Variants in CAMTA1 observed in about 807,000 individuals in gnomAD.
The protein encoded by CAMTA1 is calmodulin binding transcription activator 1.
Under a neutral mutation model 170.9 loss-of-function variants are expected in CAMTA1, and 27 were observed. The observed-to-expected ratio is 0.16, with a 90% CI of 0.12 to 0.22. CAMTA1 has a LOEUF of 0.22. CAMTA1 is among the 10% of genes least tolerant of loss of function. CAMTA1 has a pLI of 1.00. For missense variants in CAMTA1, 1,619 were observed against 2,217.2 expected (o/e 0.73, Z 5.42); for synonymous variants, 833 against 891.5 (o/e 0.93, Z 1.17).
In CAMTA1 at chr1:7,020,454, G is replaced by GTA. The variant is rs572814104; in HGVS notation, c.235-70848_235-70847dup. ...GGCTATCCCCTCTAGGTTTGTGTAA[G>GTA]TATGCACTTTGTGTAAGTACACTAT... On this transcript the variant is annotated intron_variant, in intron 3 of 22. Transcript: ENST00000303635. Among the ~76,000 whole-genome samples, 6 of 152,318 alleles carry GTA rather than the reference G, an allele frequency of 3.9e-5. No individual in the cohort carries two copies. In the East Asian group the frequency reaches 1.2e-3, roughly 29 times the overall value.
intron 3 of CAMTA1, among the ~76,000 whole-genome samples, chr1:6,852,522 A>C (rs1193588286): frequency 1.3e-5 from 2 of 152,208 alleles, no homozygotes; most frequent in Admixed American, 6.5e-5. Context: ...CCCCCTCCTC[A>C]GATTCAGTGA....
In CAMTA1 at chr1:7,257,076, C is replaced by CGGGG. The variant is rs146110106; in HGVS notation, c.438+7452_438+7455dup. Among the ~76,000 whole-genome samples, 1,095 of 134,048 alleles carry CGGGG rather than the reference C, an allele frequency of 8.2e-3. 17 individuals carry two copies. Among genetic ancestry groups the CGGGG allele is most frequent in the Non-Finnish European group, 0.012 (755 of 60,464 alleles). 87.9% of individuals were successfully genotyped at this position (134,048 alleles called of 152,430 possible). A position where few individuals can be genotyped will look rare whatever the true frequency, so the allele number is the denominator to read the frequency against. ...CCCACTTCCACATACCATCGCATGG[C>CGGGG]GGGGGCGGGGGTTGGTTTTCATCAT... On this transcript the variant is annotated intron_variant, in intron 5 of 22. Transcript: ENST00000303635.
At chr1:6,797,188 G>C (rs1382090837) in intron 1 of CAMTA1, among the ~76,000 whole-genome samples, 2 of 151,924 alleles carry the variant, frequency 1.3e-5, no homozygotes, top group Non-Finnish European at 2.9e-5. Context: ...TCCTGCCTCA[G>C]TCCCCCAAGT....
chr1:7,686,662 C>T (rs923276776), intron 11 of CAMTA1, among the ~76,000 whole-genome samples: 3 of 152,066 alleles, frequency 2.0e-5, no homozygotes, highest in Non-Finnish European at 2.9e-5. Context: ...GCAAGAACAC[C>T]GCAGCTGCCA....
At chr1:7,237,741 A>G (rs367918694) in intron 4 of CAMTA1, among the ~76,000 whole-genome samples, 42 of 152,316 alleles carry the variant, frequency 2.8e-4, no homozygotes, top group African/African-American at 9.6e-4. Context: ...GTGAGCTGCA[A>G]GTGTTTGGAG....
At chr1:7,557,035 C>T (rs1010058019) in intron 6 of CAMTA1, among the ~76,000 whole-genome samples, 7 of 152,090 alleles carry the variant, frequency 4.6e-5, no homozygotes, top group African/African-American at 9.7e-5. Context: ...CAGCCAGGCG[C>T]GGTGGCTCAC....
At chr1:7,086,135 G>T (rs985986939) in intron 3 of CAMTA1, among the ~76,000 whole-genome samples, 1 of 152,068 alleles carries the variant, frequency 6.6e-6, no homozygotes, top group Non-Finnish European at 1.5e-5. Context: ...CTACTTGAAC[G>T]TCCAAAGGAC....
At chr1:7,052,572 CCCT>C (rs1441691983) in intron 3 of CAMTA1, among the ~76,000 whole-genome samples, 1 of 152,152 alleles carries the variant, frequency 6.6e-6, no homozygotes, top group Non-Finnish European at 1.5e-5. Context: ...TTCCACAGGT[CCCT>C]CCTCGCCCAC....
In CAMTA1 at chr1:7,146,256, G is replaced by A. The variant is rs561322810; in HGVS notation, c.302+54885G>A. On this transcript the variant is annotated intron_variant, in intron 4 of 22. Transcript: ENST00000303635. This position sits in a 1 kb window ranked among gnomAD's most constrained non-coding sequence, Gnocchi z 4.3. ...CAGGAGCTTGGCAGCCCCTGAACCC[G>A]GTGCCTGCTCATGAGCCAGTCTCCC... 2.9e-4 allele frequency among the ~76,000 whole-genome samples: 44 copies of A among 152,172 alleles called. No homozygotes were observed. The highest frequency in any genetic ancestry group is 1.2e-3 in the South Asian group (6 of 4,818).
intron 5 of CAMTA1, among the ~76,000 whole-genome samples, chr1:7,357,123 G>A (rs538360185): frequency 1.2e-4 from 19 of 152,304 alleles, no homozygotes; most frequent in South Asian, 4.1e-4. Flanking sequence ...TGGATTTCTC[G>A]GCTCAGGGAA....
chr1:7,320,550 T>C (rs1467758624), intron 5 of CAMTA1, among the ~76,000 whole-genome samples: 1 of 152,060 alleles, frequency 6.6e-6, no homozygotes, highest in Non-Finnish European at 1.5e-5. Context: ...AGGGTCTACG[T>C]TGGTGAATTA....
intron 6 of CAMTA1, among the ~76,000 whole-genome samples, chr1:7,512,937 A>G (rs1480002658): frequency 6.6e-6 from 1 of 152,154 alleles, no homozygotes. Flanking sequence ...GGCAGAAGAA[A>G]AGGTACTAGA....
At chr1:7,394,012 G>T (rs1472879445) in intron 5 of CAMTA1, among the ~76,000 whole-genome samples, 2 of 152,134 alleles carry the variant, frequency 1.3e-5, no homozygotes, top group Admixed American at 6.5e-5. Context: ...CATCCATGTT[G>T]CTACAAATGG....
chr1:7,111,884 C>G (rs528356996), intron 4 of CAMTA1, among the ~76,000 whole-genome samples: 52 of 89,000 alleles, frequency 5.8e-4, no homozygotes, highest in Non-Finnish European at 9.2e-4. Context: ...GACTCCATCT[C>G]CAAAAAAAAA....
At chr1:7,649,688 C>T (rs2095835775) in intron 7 of CAMTA1, among the ~76,000 whole-genome samples, 1 of 152,222 alleles carries the variant, frequency 6.6e-6, no homozygotes, top group Non-Finnish European at 1.5e-5. Flanking sequence ...AGAAATACTG[C>T]TTTTGATTTC....
intron 4 of CAMTA1, among the ~76,000 whole-genome samples, chr1:7,218,566 C>T (rs1660166767): frequency 6.6e-6 from 1 of 152,160 alleles, no homozygotes; most frequent in Admixed American, 6.5e-5. Context: ...TCCCTCCCTC[C>T]CCTGCACATT....
intron 5 of CAMTA1, among the ~76,000 whole-genome samples, chr1:7,352,794 C>T (rs1368303437): frequency 6.6e-6 from 1 of 152,216 alleles, no homozygotes; most frequent in African/African-American, 2.4e-5. Context: ...AGAGGTTACA[C>T]CTCCTCCCTA....
At chr1:7,089,213 C>T (rs1641149106) in intron 3 of CAMTA1, among the ~76,000 whole-genome samples, 1 of 152,150 alleles carries the variant, frequency 6.6e-6, no homozygotes, top group Non-Finnish European at 1.5e-5. Context: ...GCCTCGTGAG[C>T]TGATAGTCTC....
Position 7,440,767 on chromosome 1 carries a change from C to T in CAMTA1, c.439-27063C>T, listed in dbSNP as rs74053265. Among the ~76,000 whole-genome samples the T allele has an allele frequency of 8.4e-3, 1,285 of 152,304 alleles. 11 individuals are homozygous for T. The highest frequency in any genetic ancestry group is 0.017 in the African/African-American group (724 of 41,554). On this transcript the variant is annotated intron_variant, in intron 5 of 22. Coordinates refer to ENST00000303635, the MANE Select transcript of CAMTA1 (RefSeq NM_015215.4). Reference sequence around the variant, plus strand: ...CAAACCTCCTCTTGCTCCCACTCTCCGTGGCTTGCGGGCCAAGCGACATCA... The same window carrying T: ...CAAACCTCCTCTTGCTCCCACTCTCTGTGGCTTGCGGGCCAAGCGACATCA...
Sources: allele counts gnomAD v4.1 joint callset (sites outside exome capture counted in the v4.1 genomes callset), GRCh38; gene constraint gnomAD v4.1.1; non-coding constraint Gnocchi (gnomAD v3.1); transcripts MANE v1.5; gene names NCBI Gene and HGNC (gene_info 2026-07-23, HGNC 2026-07-21).